KIAA1549L: variants seen among roughly 807,000 people sequenced by gnomAD.
KIAA1549L encodes KIAA1549 like.
In KIAA1549L, 88 loss-of-function variants were observed where a neutral mutation model predicts 160.7. That is an observed-to-expected ratio of 0.55 (90% confidence interval 0.46 to 0.65). The LOEUF is 0.65. Among genes scored for constraint, KIAA1549L ranks in the 30% least tolerant of loss-of-function variants. The pLI is 0.00. For missense variants in KIAA1549L, 2,258 were observed against 2,437.5 expected (o/e 0.93, Z 1.55); for synonymous variants, 950 against 976.7 (o/e 0.97, Z 0.51).
intron 1 of KIAA1549L, among the ~76,000 whole-genome samples, chr11:33,381,614 T>G (rs1850075684): frequency 6.6e-6 from 1 of 152,150 alleles, no homozygotes; most frequent in Non-Finnish European, 1.5e-5. Flanking sequence ...TGGTCAGCCA[T>G]TGGAGCATCC....
At chr11:33,432,074 CCAG>C in intron 1 of KIAA1549L, among the ~76,000 whole-genome samples, 1 of 152,356 alleles carries the variant, frequency 6.6e-6, no homozygotes. Flanking sequence ...ACCCGGAACT[CCAG>C]CTGGCCCACA....
At chr11:33,391,799 G>A (rs982031955) in intron 1 of KIAA1549L, among the ~76,000 whole-genome samples, 1 of 152,184 alleles carries the variant, frequency 6.6e-6, no homozygotes, top group African/African-American at 2.4e-5. Flanking sequence ...TCCTACTGAT[G>A]GAAGGTCAGT....
intron 1 of KIAA1549L, among the ~76,000 whole-genome samples, chr11:33,500,804 G>A (rs1344540541): frequency 3.3e-5 from 5 of 151,928 alleles, no homozygotes; most frequent in Non-Finnish European, 7.4e-5. Context: ...ATGAATAAAA[G>A]AGAAAAGAAA....
chr11:33,617,099 G>A (rs1375083665), intron 15 of KIAA1549L, among the ~76,000 whole-genome samples: 2 of 148,920 alleles, frequency 1.3e-5, no homozygotes, highest in African/African-American at 2.5e-5. Flanking sequence ...TTATACCGCT[G>A]CACTCCAGCC....
At chr11:33,581,930 A>G (rs1374843063) in intron 10 of KIAA1549L, among the ~76,000 whole-genome samples, 1 of 152,184 alleles carries the variant, frequency 6.6e-6, no homozygotes, top group Non-Finnish European at 1.5e-5. Flanking sequence ...AAAGCTGAAC[A>G]TTCTTGCTAA....
At chr11:33,534,678 G>A (rs527842857) in intron 1 of KIAA1549L, among the ~76,000 whole-genome samples, 1 of 152,136 alleles carries the variant, frequency 6.6e-6, no homozygotes, top group East Asian at 1.9e-4. Flanking sequence ...GCAAAGCTCT[G>A]TTTTCTCTTT....
intron 17 of KIAA1549L, among the ~76,000 whole-genome samples, chr11:33,650,972 C>T (rs1851866713): frequency 6.6e-6 from 1 of 152,210 alleles, no homozygotes; most frequent in Admixed American, 6.5e-5. Flanking sequence ...CTCTCCTCCA[C>T]TTCTTCCCCC....
chr11:33,638,434 AAATAAAT>A (rs1158540287), intron 16 of KIAA1549L, among the ~76,000 whole-genome samples: 2 of 22,324 alleles, frequency 9.0e-5, no homozygotes, highest in Admixed American at 3.5e-4. Flanking sequence ...AAAAAAAAAA[AAATAAAT>A]AAATAAATAA....
chr11:33,524,269 T>C (rs187054285), intron 1 of KIAA1549L, among the ~76,000 whole-genome samples: 2 of 152,262 alleles, frequency 1.3e-5, no homozygotes, highest in African/African-American at 4.8e-5. Flanking sequence ...ATAATTATTT[T>C]ATTTTCTTCT....
chr11:33,404,258 C>G (rs545483947), intron 1 of KIAA1549L, among the ~76,000 whole-genome samples: 2 of 152,332 alleles, frequency 1.3e-5, no homozygotes, highest in African/African-American at 4.8e-5. Context: ...GGCACAGTGG[C>G]TCATGTCTTT....
At chr11:33,622,886 C>A (rs540727236) in intron 16 of KIAA1549L, among the ~76,000 whole-genome samples, 1 of 152,166 alleles carries the variant, frequency 6.6e-6, no homozygotes, top group Non-Finnish European at 1.5e-5. Flanking sequence ...AAGGCCTGGG[C>A]GCGTTGTCTG....
intron 1 of KIAA1549L, among the ~76,000 whole-genome samples, chr11:33,494,787 T>C (rs1218328734): frequency 6.6e-6 from 1 of 152,206 alleles, no homozygotes; most frequent in East Asian, 1.9e-4. Flanking sequence ...CATGGCTGAA[T>C]TTCAGGCTCT....
chr11:33,613,564 T>A (rs1850702403), intron 15 of KIAA1549L, among the ~76,000 whole-genome samples: 1 of 152,152 alleles, frequency 6.6e-6, no homozygotes, highest in Non-Finnish European at 1.5e-5. Context: ...GGCAGGGAGA[T>A]GCCATACACT....
chr11:33,500,206 C>G (rs78622845), intron 1 of KIAA1549L, among the ~76,000 whole-genome samples: 2 of 152,108 alleles, frequency 1.3e-5, no homozygotes, highest in South Asian at 2.1e-4. Flanking sequence ...TGATTTTATA[C>G]GTTAAAAAAG....
intron 1 of KIAA1549L, among the ~76,000 whole-genome samples, chr11:33,435,842 A>ATGTG (rs71034688): frequency 3.0e-5 from 2 of 67,632 alleles, no homozygotes; most frequent in Admixed American, 1.5e-4. Context: ...GTATATGTAT[A>ATGTG]TGTGTGTGTG....
intron 1 of KIAA1549L, among the ~76,000 whole-genome samples, chr11:33,429,120 C>G (rs1050839751): frequency 6.6e-6 from 1 of 152,154 alleles, no homozygotes; most frequent in African/African-American, 2.4e-5. Flanking sequence ...TACAGGCACC[C>G]ACCACTACCC....
intron 14 of KIAA1549L, 139 bp downstream of exon 14, chr11:33,606,961 C>A: frequency 1.5e-6 from 1 of 653,620 alleles, no homozygotes. Flanking sequence ...ATGTACCAGG[C>A]CTCTGCAGAA....
chr11:33,542,774 CA>C lies in KIAA1549L; in HGVS notation c.1213del (p.Thr405LeufsTer25). 1 of 1,613,850 alleles carries C rather than the reference CA, an allele frequency of 6.2e-7. No homozygotes were observed. On this transcript the variant is annotated frameshift_variant, in exon 2 of 21. Transcript: ENST00000658780. LOFTEE classifies it high-confidence loss of function. ...PGRVHNGVSL[P>X]TFKNTETATH... is the part of the protein sequence containing the mutation. ...AGAGTGCACAATGGGGTGTCTTTGC[CA>C]ACTTTTAAGAATACAGAAACAGCGA...
intron 1 of KIAA1549L, among the ~76,000 whole-genome samples, chr11:33,495,334 T>A (rs1205703796): frequency 6.9e-6 from 1 of 144,084 alleles, no homozygotes; most frequent in African/African-American, 2.5e-5. Context: ...TGTCCATGCG[T>A]TCTCATTGTT....
Sources: gnomAD v4.1 joint callset for allele counts (sites outside exome capture counted in the v4.1 genomes callset) on GRCh38, gnomAD v4.1.1 for gene constraint, MANE v1.5 for transcripts, NCBI Gene and HGNC (gene_info 2026-07-23, HGNC 2026-07-21) for gene names.